Variants in BTG4 observed in about 807,000 individuals in gnomAD.
BTG4 encodes the protein BTG anti-proliferation factor 4, also known as protein BTG4.
Under a neutral mutation model 19.3 loss-of-function variants are expected in BTG4, and 10 were observed. That is an observed-to-expected ratio of 0.52 (90% CI 0.32 to 0.88). BTG4 has a LOEUF of 0.88. Ranked by LOEUF, BTG4 falls within the 40% of genes least tolerant of loss-of-function variation. The pLI is 0.04. For missense variants in BTG4, 238 were observed against 281.9 expected (o/e 0.84, Z 1.11); for synonymous variants, 91 against 95.7 (o/e 0.95, Z 0.29).
chr11:111,409,269 T>C, the BTG4 span, among the ~76,000 whole-genome samples: 2 of 152,170 alleles, frequency 1.3e-5, no homozygotes, highest in Admixed American at 1.3e-4. Context: ...TTGACTCCAC[T>C]GAAACACATG....
the BTG4 span, among the ~76,000 whole-genome samples, chr11:111,393,724 G>C: frequency 6.6e-6 from 1 of 152,160 alleles, no homozygotes. Flanking sequence ...CAAGTGACAT[G>C]ACCTGTCCCC....
chr11:111,450,109 G>C, the BTG4 span: 1 of 152,212 alleles, frequency 6.6e-6, no homozygotes, highest in Non-Finnish European at 1.5e-5. Context: ...TTGAATAAGA[G>C]GTCATTGTGT....
At chr11:111,391,510 C>T in the BTG4 span, among the ~76,000 whole-genome samples, 4 of 152,146 alleles carry the variant, frequency 2.6e-5, no homozygotes, top group African/African-American at 7.2e-5. Flanking sequence ...CTCTGCTGGC[C>T]GGGACTTCTT....
At chr11:111,384,062 G>C in the BTG4 span, among the ~76,000 whole-genome samples, 2 of 152,056 alleles carry the variant, frequency 1.3e-5, no homozygotes, top group Non-Finnish European at 2.9e-5. Context: ...TAATATTTGA[G>C]AGTTTATCTT....
chr11:111,473,229 C>T (rs1864184157), intron 5 of BTG4: 1 of 152,552 alleles, frequency 6.6e-6, no homozygotes, highest in Non-Finnish European at 1.5e-5. Flanking sequence ...CACATTCTGG[C>T]TAACAAGATC....
chr11:111,443,975 C>T, the BTG4 span, among the ~76,000 whole-genome samples: 4 of 152,182 alleles, frequency 2.6e-5, no homozygotes, highest in Admixed American at 1.3e-4. Context: ...GCATTTAAAA[C>T]GGACATGTGC....
intron 5 of BTG4, among the ~76,000 whole-genome samples, chr11:111,482,269 A>G (rs1864785481): frequency 6.6e-6 from 1 of 152,130 alleles, no homozygotes; most frequent in Admixed American, 6.6e-5. Flanking sequence ...TCTAAAAATC[A>G]TGTACAAGAG....
chr11:111,416,656 G>A, the BTG4 span: 2 of 152,144 alleles, frequency 1.3e-5, no homozygotes, highest in Admixed American at 6.5e-5. Context: ...CAGAGAGCAC[G>A]GGCTTTGAGG....
chr11:111,402,089 G>A, the BTG4 span, among the ~76,000 whole-genome samples: 1 of 152,210 alleles, frequency 6.6e-6, no homozygotes, highest in African/African-American at 2.4e-5. Flanking sequence ...GGAAGTAATG[G>A]AATCACAGAG....
chr11:111,430,448 G>C, the BTG4 span, among the ~76,000 whole-genome samples: 2 of 152,326 alleles, frequency 1.3e-5, no homozygotes, highest in East Asian at 3.9e-4. Flanking sequence ...AATCAGATAT[G>C]CATTTGTCTC....
chr11:111,511,854 A>C (rs1866948204), intron 1 of BTG4, among the ~76,000 whole-genome samples: 1 of 152,192 alleles, frequency 6.6e-6, no homozygotes, highest in African/African-American at 2.4e-5. Context: ...GCTCTCATTG[A>C]GGACCTCCCT....
At chr11:111,425,737 G>T in the BTG4 span, among the ~76,000 whole-genome samples, 1 of 152,160 alleles carries the variant, frequency 6.6e-6, no homozygotes, top group Non-Finnish European at 1.5e-5. Context: ...GAAAAGCATC[G>T]AAATGGATCT....
At chr11:111,418,392 G>C in the BTG4 span, among the ~76,000 whole-genome samples, 4 of 152,286 alleles carry the variant, frequency 2.6e-5, no homozygotes, top group Middle Eastern at 3.4e-3. Flanking sequence ...TTTAGGCTTG[G>C]CCATCATCAT....
the BTG4 span, among the ~76,000 whole-genome samples, chr11:111,408,486 C>T: frequency 2.2e-4 from 33 of 152,344 alleles, no homozygotes; most frequent in Middle Eastern, 3.4e-3. Flanking sequence ...CACCTGCCTC[C>T]TCCAGCAGCC....
the BTG4 span, chr11:111,460,142 C>T: frequency 6.6e-6 from 1 of 152,494 alleles, no homozygotes; most frequent in Non-Finnish European, 1.5e-5. Context: ...TCCTTTTTGC[C>T]AGAAAAAGGA....
At chr11:111,442,511 T>TATACAC in the BTG4 span, among the ~76,000 whole-genome samples, 651 of 48,138 alleles carry the variant, frequency 0.014, no homozygotes, top group Non-Finnish European at 0.018. Flanking sequence ...AAAAAATGTA[T>TATACAC]ACACACACAC....
At chr11:111,411,300 T>G in the BTG4 span, among the ~76,000 whole-genome samples, 1 of 152,194 alleles carries the variant, frequency 6.6e-6, no homozygotes, top group African/African-American at 2.4e-5. Flanking sequence ...CTGTTCACTC[T>G]GCTCCAGGCA....
At chr11:111,487,182 T>C (rs1865119071) in intron 5 of BTG4, among the ~76,000 whole-genome samples, 1 of 152,248 alleles carries the variant, frequency 6.6e-6, no homozygotes, top group Non-Finnish European at 1.5e-5. Context: ...TAGTATTCCA[T>C]GGTGCATATG....
chr11:111,471,922 AC>A (rs1285104523), intron 5 of BTG4, among the ~76,000 whole-genome samples: 5 of 152,190 alleles, frequency 3.3e-5, no homozygotes, highest in African/African-American at 1.2e-4. Flanking sequence ...TCTGTTACAC[AC>A]ACCCACAACC....
Sources: allele counts gnomAD v4.1 joint callset (sites outside exome capture counted in the v4.1 genomes callset), GRCh38; gene constraint gnomAD v4.1.1; transcripts MANE v1.5; gene names NCBI Gene and HGNC (gene_info 2026-07-23, HGNC 2026-07-21).